ESPL1: variants seen among roughly 807,000 people sequenced by gnomAD.
ESPL1 encodes separin.
A neutral mutation model predicts 217.2 loss-of-function variants in ESPL1; 50 were observed. The observed-to-expected ratio is 0.23, with a 90% confidence interval of 0.18 to 0.29. The LOEUF is 0.29. Among genes scored for constraint, ESPL1 ranks in the 10% least tolerant of loss-of-function variants. The pLI is 1.00. For synonymous variants in ESPL1, 994 were observed against 1,081.3 expected, an observed-to-expected ratio of 0.92 and a Z score of 1.58; for missense variants, 1,834 against 2,603.0, an observed-to-expected ratio of 0.70 and a Z score of 6.43.
chr12:53,282,183 G>C lies in ESPL1; in HGVS notation c.2620-81G>C, dbSNP rs1943872757. ...TAATACCCAGGGCCTTCAGGGATGG[G>C]GCCACGTAATCTCCAGGGCCTCTCA... On this transcript the variant is annotated intron_variant, in intron 13 of 30. Transcript: ENST00000257934. The surrounding 1 kb of genome is among the most constrained non-coding windows in gnomAD (Gnocchi z 4.0). 2 of 1,199,246 alleles carry C rather than the reference G, an allele frequency of 1.7e-6. No individual in the cohort carries two copies. Among genetic ancestry groups the C allele is most frequent in the Admixed American group, 3.7e-5 (2 of 53,960 alleles). The allele number at this position is 1,199,246 out of a possible 1,614,324, so 74.3% of individuals were successfully genotyped here.
intron 17 of ESPL1, among the ~76,000 whole-genome samples, chr12:53,285,092 T>C (rs142356142): frequency 0.011 from 1,646 of 151,920 alleles, 15 homozygotes; most frequent in Non-Finnish European, 0.017. Flanking sequence ...CCACACTTCA[T>C]GTGCTCAATA....
intron 11 of ESPL1, among the ~76,000 whole-genome samples, chr12:53,278,805 G>A (rs938412085): frequency 1.3e-5 from 2 of 151,802 alleles, no homozygotes; most frequent in African/African-American, 2.4e-5. Flanking sequence ...TGGCCAGGCC[G>A]GTCTCGATCT....
intron 11 of ESPL1, 78 bp downstream of exon 11, chr12:53,278,038 T>C: frequency 6.9e-7 from 1 of 1,454,248 alleles, no homozygotes; most frequent in Non-Finnish European, 9.4e-7. Flanking sequence ...TTCTTTGGCC[T>C]GTGATCCTCC....
chr12:53,288,630 T>C lies in ESPL1; in HGVS notation c.4639T>C (p.Cys1547Arg), dbSNP rs774396215. The change falls in exon 20 of 31, where the codon TGC becomes CGC. Residue 1547 changes from cysteine (C) to arginine (R), a missense_variant. Cys to Arg is a radical substitution (Grantham distance 180, BLOSUM62 -3). Around this residue, in one of 5 missense-constraint regions of ESPL1, gnomAD observed 681 missense variants for 808.0 expected, o/e 0.84. Transcript: ENST00000257934. ...CAGCAAGAAGAAGCTGCCCAGCCCA[T>C]GCCCAGACAAGGAGAGTGACAAGGA... ...DSSKKKLPSPCPDKESDKDLG... is the reference protein window; with the variant it reads ...DSSKKKLPSPRPDKESDKDLG... 1.2e-6 allele frequency: 2 copies of C among 1,613,950 alleles called. No individual in the cohort carries two copies. Among genetic ancestry groups the C allele is most frequent in the Non-Finnish European group, 1.7e-6 (2 of 1,180,004 alleles).
At chr12:53,278,101 A>C in intron 11 of ESPL1, 141 bp downstream of exon 11, 11 of 907,272 alleles carry the variant, frequency 1.2e-5, no homozygotes, top group Non-Finnish European at 1.9e-5. Context: ...CACCAGTCTT[A>C]TTTTAAATCC....
Position 53,293,176 on chromosome 12 carries a change from A to C in ESPL1, c.6162-97A>C. ...GGCCAAAGGAGTTTCTCATTGGTTC[A>C]ATCCTCTCCACTCACCCACCCCCAC... On this transcript the variant is annotated intron_variant, in intron 30 of 30. Transcript: ENST00000257934. The surrounding 1 kb of genome is among the most constrained non-coding windows in gnomAD (Gnocchi z 4.2). 1 of 1,133,972 alleles carries C rather than the reference A, an allele frequency of 8.8e-7. No individual in the cohort carries two copies. The highest frequency in any genetic ancestry group is 1.3e-6 in the Non-Finnish European group (1 of 760,338). 70.2% of individuals were successfully genotyped at this position (1,133,972 alleles called of 1,614,324 possible). A position where few individuals can be genotyped will look rare whatever the true frequency, so the allele number is the denominator to read the frequency against.
chr12:53,288,558 G>A lies in ESPL1; in HGVS notation c.4567G>A (p.Gly1523Ser). The change falls in exon 20 of 31, where the codon GGC becomes AGC. Residue 1523 changes from glycine to serine, a missense_variant. Around this residue, in one of 5 missense-constraint regions of ESPL1, gnomAD observed 681 missense variants for 808.0 expected, o/e 0.84. Coordinates refer to ENST00000257934, the MANE Select transcript of ESPL1 (RefSeq NM_012291.5). Reference sequence around the variant, plus strand: ...CCCAGGTGGGAAGACTCCAGCTCCGGGCCCTGAGGCAGCTTCTGGAGAATG... The same window carrying A: ...CCCAGGTGGGAAGACTCCAGCTCCGAGCCCTGAGGCAGCTTCTGGAGAATG... ...SASGGKTPAPGPEAASGEWEL... is the reference protein window; with the variant it reads ...SASGGKTPAPSPEAASGEWEL... 6.2e-7 allele frequency: 1 copy of A among 1,613,100 alleles called. No homozygotes were observed. Among genetic ancestry groups the A allele is most frequent in the East Asian group, 2.2e-5 (1 of 44,886 alleles).
chr12:53,289,826 T>TG, intron 22 of ESPL1: 2 of 602,070 alleles, frequency 3.3e-6, no homozygotes, highest in Non-Finnish European at 5.8e-6. Flanking sequence ...TTCAGATGAC[T>TG]GGGGTCTTCT....
At chr12:53,291,942 T>TA (rs1944067171) in intron 26 of ESPL1, 42 bp from the exon 27 acceptor site, 1 of 1,607,352 alleles carries the variant, frequency 6.2e-7, no homozygotes, top group Admixed American at 1.7e-5. Context: ...CTTCTGCATA[T>TA]ACCTGGCTGG....
Position 53,290,459 on chromosome 12 carries a change from AC to A in ESPL1, c.5355del (p.His1785GlnfsTer10), listed in dbSNP as rs1338390919. Reference protein sequence around the residue: ...EWWTGRLALDHRMEVLIASLE... With the variant: ...EWWTGRLALDXRMEVLIASLE... ...TGGACAGGGCGGCTGGCACTGGACCACAGGATGGAGGTGTGTGCTTCTGGGG... is the reference window on the plus strand; with the variant it reads ...TGGACAGGGCGGCTGGCACTGGACCAAGGATGGAGGTGTGTGCTTCTGGGG... On this transcript the variant is annotated frameshift_variant, in exon 24 of 31. Transcript: ENST00000257934. LOFTEE classifies it high-confidence loss of function. 1 of 1,612,638 alleles carries A rather than the reference AC, an allele frequency of 6.2e-7. No individual in the cohort carries two copies. Among genetic ancestry groups the A allele is most frequent in the Non-Finnish European group, 8.5e-7 (1 of 1,179,620 alleles).
chr12:53,290,577 C>T, intron 24 of ESPL1, 108 bp downstream of exon 24: 2 of 1,187,876 alleles, frequency 1.7e-6, no homozygotes, highest in East Asian at 2.5e-5. Flanking sequence ...CTTCAAATCC[C>T]TTCTGGAAGT....
intron 11 of ESPL1, 35 bp from the exon 12 acceptor site, chr12:53,279,697 G>C (rs370063683): frequency 6.2e-7 from 1 of 1,613,702 alleles, no homozygotes; most frequent in South Asian, 1.1e-5. Flanking sequence ...GGCTTGAGCA[G>C]GGGTGGAGTA....
At position 53,283,149 on chromosome 12, in the gene ESPL1, GCT is replaced by G; in HGVS notation, c.2816_2817del (p.Leu939HisfsTer5). ...CACAGGCTGGCAGACACCTGAGATA[GCT>G]CTCATAGACTCCCATAAGCTCCTCC... ...CAQGWQTPEI[A>X]LIDSHKLLRS... On this transcript the variant is annotated frameshift_variant, in exon 15 of 31. Transcript: ENST00000257934. LOFTEE classifies it high-confidence loss of function. 1 of 1,614,210 alleles carries G rather than the reference GCT, an allele frequency of 6.2e-7. No individual in the cohort carries two copies. The highest frequency in any genetic ancestry group is 8.5e-7 in the Non-Finnish European group (1 of 1,180,046).
rs965088372 is a variant in ESPL1, at chr12:53,282,756, C to T, written c.2791+321C>T. On this transcript the variant is annotated intron_variant, in intron 14 of 30. Coordinates refer to ENST00000257934, the MANE Select transcript of ESPL1 (RefSeq NM_012291.5). This position sits in a 1 kb window ranked among gnomAD's most constrained non-coding sequence, Gnocchi z 4.0. The stretch of plus-strand genomic sequence containing the variant: ...GCAACCTCTGCCTCCTGGGTTCAAA[C>T]GATTCTCCTGCCTCAACCTCCTGAG... Among the ~76,000 whole-genome samples the T allele has an allele frequency of 1.3e-5, 2 of 152,184 alleles. No individual in the cohort carries two copies. The highest frequency in any genetic ancestry group is 1.9e-4 in the East Asian group (1 of 5,198).
chr12:53,289,987 T>G, intron 22 of ESPL1, 98 bp from the exon 23 acceptor site: 1 of 1,424,410 alleles, frequency 7.0e-7, no homozygotes, highest in African/African-American at 1.4e-5. Flanking sequence ...GAAGGCTTCT[T>G]GATGCTGGCT....
At position 53,279,963 on chromosome 12, in the gene ESPL1, G is replaced by T. The variant is rs538350037; in HGVS notation, c.2499+97G>T. The T allele has an allele frequency of 3.1e-5, 42 of 1,373,586 alleles. No individual in the cohort carries two copies. The African/African-American group carries it at 5.0e-4, about 16-fold the overall frequency. The allele number at this position is 1,373,586 out of a possible 1,614,324, so 85.1% of individuals were successfully genotyped here. A position where few individuals can be genotyped will look rare whatever the true frequency, so the allele number is the denominator to read the frequency against. ...CAGGATATCAAAGGGGCAGCTTCTC[G>T]GCCTTTTACCACCACAACTGGCTGG... is the stretch of plus-strand genomic sequence containing the variant. On this transcript the variant is annotated intron_variant, in intron 12 of 30. Coordinates refer to ENST00000257934, the MANE Select transcript of ESPL1 (RefSeq NM_012291.5).
chr12:53,273,004 C>G (rs1042468134), intron 6 of ESPL1, 147 bp downstream of exon 6: 3 of 720,448 alleles, frequency 4.2e-6, no homozygotes, highest in Admixed American at 3.0e-5. Flanking sequence ...TTTCCCAAAC[C>G]TCACTGTACT....
chr12:53,285,421 G>C (rs980615355), intron 17 of ESPL1, among the ~76,000 whole-genome samples: 1 of 152,164 alleles, frequency 6.6e-6, no homozygotes, highest in South Asian at 2.1e-4. Context: ...TGGGGGCTTT[G>C]TGGCCTGCAT....
At chr12:53,279,063 G>C (rs1943819793) in intron 11 of ESPL1, among the ~76,000 whole-genome samples, 1 of 152,100 alleles carries the variant, frequency 6.6e-6, no homozygotes, top group South Asian at 2.1e-4. Context: ...TGCTAATTTT[G>C]TATTATTGGT....
Sources: allele counts gnomAD v4.1 joint callset (sites outside exome capture counted in the v4.1 genomes callset), GRCh38; gene constraint gnomAD v4.1.1; regional missense constraint gnomAD v4.1.1; non-coding constraint Gnocchi (gnomAD v3.1); transcripts MANE v1.5; gene names NCBI Gene and HGNC (gene_info 2026-07-23, HGNC 2026-07-21).